The following CACNA2D2 variants were observed in gnomAD, a reference collection of about 807,000 sequenced individuals.
The protein encoded by CACNA2D2 is calcium voltage-gated channel auxiliary subunit alpha2delta 2, also known as voltage-dependent calcium channel subunit alpha-2/delta-2.
CACNA2D2 carries 48 observed loss-of-function variants against 166.4 expected under a neutral mutation model. The observed-to-expected ratio is 0.29, with a 90% CI of 0.23 to 0.37. The LOEUF is 0.37. Among genes scored for constraint, CACNA2D2 ranks in the 10% least tolerant of loss-of-function variants. CACNA2D2 has a pLI of 1.00. For missense variants in CACNA2D2, 1,122 were observed against 1,433.0 expected, an observed-to-expected ratio of 0.78 and a Z score of 3.50; for synonymous variants, 561 against 573.7, an observed-to-expected ratio of 0.98 and a Z score of 0.32.
At chr3:50,465,929 C>T (rs1188424094) in intron 2 of CACNA2D2, among the ~76,000 whole-genome samples, 1 of 152,142 alleles carries the variant, frequency 6.6e-6, no homozygotes, top group Admixed American at 6.5e-5. Flanking sequence ...ATCACCTGAC[C>T]ATGCCTGCAA....
At position 50,365,848 on chromosome 3, in the gene CACNA2D2, A is replaced by C; in HGVS notation, c.2877T>G (p.Asp959Glu). The change falls in exon 33 of 38, where the codon GAT becomes GAG. Residue 959 changes from aspartate (D) to glutamate (E), a missense_variant. Physicochemically the swap from Asp to Glu is conservative, Grantham distance 45 (BLOSUM62 2). Transcript: ENST00000424201. This position sits in a 1 kb window ranked among gnomAD's most constrained non-coding sequence, Gnocchi z 4.5. ...PRGVFVPTVADFLNLAWWTSA... is the reference protein window; with the variant it reads ...PRGVFVPTVAEFLNLAWWTSA... ...AGGTCCACCAGGCCAGGTTAAGGAA[A>C]TCTGCAACGGTGGGCTGCAGTGGAG... The C allele has an allele frequency of 6.2e-7, 1 of 1,613,314 alleles. No homozygotes were observed. The highest frequency in any genetic ancestry group is 8.5e-7 in the Non-Finnish European group (1 of 1,180,018).
intron 3 of CACNA2D2, among the ~76,000 whole-genome samples, chr3:50,415,060 G>C (rs533545238): frequency 6.6e-6 from 1 of 152,192 alleles, no homozygotes; most frequent in Non-Finnish European, 1.5e-5. Flanking sequence ...CGGGTCATGG[G>C]GGCCAACACT....
rs10575478 is a variant in CACNA2D2 at position 50,363,466 on chromosome 3, CTGTGTG to C, written c.*1194_*1199del. ...GTGAAGAGCTGTGCCCAGTCCCCAC[CTGTGTG>C]TGTGTGTGTGTGTGTGTGTTCAGCA... On this transcript the variant is annotated 3_prime_UTR_variant, in exon 38 of 38. Transcript: ENST00000424201. The C allele has an allele frequency of 2.7e-4, 96 of 352,156 alleles. No individual in the cohort carries two copies. Among genetic ancestry groups the C allele is most frequent in the Middle Eastern group, 6.6e-4 (1 of 1,520 alleles). 21.8% of individuals were successfully genotyped at this position (352,156 alleles called of 1,614,324 possible).
At chr3:50,494,678 A>G (rs1560006556) in intron 1 of CACNA2D2, among the ~76,000 whole-genome samples, 1 of 151,892 alleles carries the variant, frequency 6.6e-6, no homozygotes, top group Non-Finnish European at 1.5e-5. Context: ...TTTATTTATT[A>G]TTTATTTATT....
chr3:50,433,946 A>C (rs139826507), intron 3 of CACNA2D2, among the ~76,000 whole-genome samples: 1 of 152,294 alleles, frequency 6.6e-6, no homozygotes, highest in Non-Finnish European at 1.5e-5. Context: ...CACCAGCAGC[A>C]GGTCACTATC....
Position 50,364,876 on chromosome 3 carries a change from C to G in CACNA2D2, c.3291+12G>C. 1 of 1,613,424 alleles carries G rather than the reference C, an allele frequency of 6.2e-7. No homozygotes were observed. Among genetic ancestry groups the G allele is most frequent in the Non-Finnish European group, 8.5e-7 (1 of 1,179,920 alleles). On this transcript the variant is annotated intron_variant, in intron 37 of 37. Transcript: ENST00000424201. ...GCCGCGGGATTTCGGGTCCACCGCC[C>G]CCTCTCCTCACTGTCGCGTTGTAGT... is the stretch of plus-strand genomic sequence containing the variant.
chr3:50,448,979 C>G (rs973281575), intron 2 of CACNA2D2, among the ~76,000 whole-genome samples: 1 of 152,216 alleles, frequency 6.6e-6, no homozygotes, highest in African/African-American at 2.4e-5. Flanking sequence ...CCTGCCCACC[C>G]CCATCCCACA....
At chr3:50,500,756 C>G (rs545234722) in intron 1 of CACNA2D2, among the ~76,000 whole-genome samples, 1 of 120,910 alleles carries the variant, frequency 8.3e-6, no homozygotes, top group East Asian at 2.9e-4. Flanking sequence ...AACCCCCCCA[C>G]CCCCCGCCCA....
At position 50,375,704 on chromosome 3, in the gene CACNA2D2, C is replaced by A; in HGVS notation, c.1847G>T (p.Arg616Met). 4.3e-6 allele frequency: 7 copies of A among 1,613,292 alleles called. No individual in the cohort carries two copies. The highest frequency in any genetic ancestry group is 5.9e-6 in the Non-Finnish European group (7 of 1,179,930). Residue 616 changes from arginine (R) to methionine (M), a missense_variant and splice_region_variant, in exon 21 of 38, where the codon AGG becomes ATG. This residue lies in a region of CACNA2D2 where 840 missense variants were observed against 1,166.8 expected (regional missense o/e 0.72). Transcript: ENST00000424201. This position sits in a 1 kb window ranked among gnomAD's most constrained non-coding sequence, Gnocchi z 4.0. The stretch of plus-strand genomic sequence containing the variant: ...GTTCCGTGTCACCTCATCTATGTAC[C>A]TCTGGGAGAGGAGGCTGGGTCAGGT... The part of the protein sequence containing the change: ...IRTLVKSLDE[R>M]YIDEVTRNYT...
At chr3:50,383,894 C>T (rs1006854020) in intron 6 of CACNA2D2, among the ~76,000 whole-genome samples, 2 of 152,104 alleles carry the variant, frequency 1.3e-5, no homozygotes, top group Non-Finnish European at 2.9e-5. Flanking sequence ...ATGTGGGGAA[C>T]GGTCTCTGTG....
Position 50,390,749 on chromosome 3 carries a change from T to C in CACNA2D2, c.466-3137A>G, listed in dbSNP as rs587650131. Among the ~76,000 whole-genome samples the C allele has an allele frequency of 2.3e-4, 35 of 152,268 alleles. 1 individual carries two copies. The highest frequency in any genetic ancestry group is 7.5e-4 in the African/African-American group (31 of 41,536). ...TTGTGTTGGTGACATACATTCTCCT[T>C]AGCAGGAGCCAAGCCCAAGAGAGGT... On this transcript the variant is annotated intron_variant, in intron 4 of 37. Coordinates refer to ENST00000424201, the MANE Select transcript of CACNA2D2 (RefSeq NM_006030.4).
Position 50,376,103 on chromosome 3 carries a change from G to C in CACNA2D2, c.1701+11C>G. 6.2e-7 allele frequency: 1 copy of C among 1,613,384 alleles called. No homozygotes were observed. The highest frequency in any genetic ancestry group is 1.1e-5 in the South Asian group (1 of 91,082). On this transcript the variant is annotated intron_variant, in intron 18 of 37. Coordinates refer to ENST00000424201, the MANE Select transcript of CACNA2D2 (RefSeq NM_006030.4). The surrounding 1 kb of genome is among the most constrained non-coding windows in gnomAD (Gnocchi z 4.3). ...GGTTTGCCCACCCTCCAGGCCACCC[G>C]TCTGGCTCACCTGGGGCTTGAGATT... is the stretch of plus-strand genomic sequence containing the variant.
At position 50,367,514 on chromosome 3, in the gene CACNA2D2, G is replaced by A; in HGVS notation, c.2298-17C>T. ...TCAGCTGCCCTGGAGCACCCAAGAG[G>A]CAGACTGGTAGGTAAGGGGTGGCTT... On this transcript the variant is annotated splice_polypyrimidine_tract_variant and intron_variant, in intron 26 of 37. Coordinates refer to ENST00000424201, the MANE Select transcript of CACNA2D2 (RefSeq NM_006030.4). This position sits in a 1 kb window ranked among gnomAD's most constrained non-coding sequence, Gnocchi z 6.5. The A allele has an allele frequency of 1.2e-6, 2 of 1,612,662 alleles. No homozygotes were observed. The highest frequency in any genetic ancestry group is 1.6e-4 in the Middle Eastern group (1 of 6,062).
At chr3:50,400,024 C>T (rs2106755530) in intron 3 of CACNA2D2, among the ~76,000 whole-genome samples, 1 of 152,354 alleles carries the variant, frequency 6.6e-6, no homozygotes, top group Non-Finnish European at 1.5e-5. Context: ...CCCGTCTTCC[C>T]TCCCAACTTG....
intron 2 of CACNA2D2, among the ~76,000 whole-genome samples, chr3:50,438,897 G>A (rs1017472829): frequency 2.0e-5 from 3 of 152,234 alleles, no homozygotes; most frequent in Non-Finnish European, 4.4e-5. Context: ...GAACAGCCCT[G>A]TTTGCCCCGA....
chr3:50,410,363 G>A (rs1430378124), intron 3 of CACNA2D2, among the ~76,000 whole-genome samples: 1 of 152,234 alleles, frequency 6.6e-6, no homozygotes, highest in African/African-American at 2.4e-5. Context: ...CCGAGGCTCT[G>A]CAGAAGGGGG....
At chr3:50,456,973 G>A (rs915746168) in intron 2 of CACNA2D2, among the ~76,000 whole-genome samples, 5 of 152,242 alleles carry the variant, frequency 3.3e-5, no homozygotes, top group Non-Finnish European at 7.3e-5. Flanking sequence ...ACTGGAGCCA[G>A]GTGTGGAGGC....
chr3:50,467,453 C>T (rs528005797), intron 2 of CACNA2D2, among the ~76,000 whole-genome samples: 7 of 152,286 alleles, frequency 4.6e-5, no homozygotes, highest in African/African-American at 1.7e-4. Context: ...TTTCAGTCCT[C>T]AGAGCACTGC....
chr3:50,492,428 T>C (rs1698557814), intron 1 of CACNA2D2, among the ~76,000 whole-genome samples: 1 of 152,244 alleles, frequency 6.6e-6, no homozygotes. Flanking sequence ...GCACGGCAAC[T>C]TGAGGGCAGT....
Sources: allele counts gnomAD v4.1 joint callset (sites outside exome capture counted in the v4.1 genomes callset), GRCh38; gene constraint gnomAD v4.1.1; regional missense constraint gnomAD v4.1.1; non-coding constraint Gnocchi (gnomAD v3.1); transcripts MANE v1.5; gene names NCBI Gene and HGNC (gene_info 2026-07-23, HGNC 2026-07-21).